GRM7: variants seen among roughly 807,000 people sequenced by gnomAD.
The protein encoded by GRM7 is glutamate metabotropic receptor 7.
Under a neutral mutation model 84.5 loss-of-function variants are expected in GRM7, and 35 were observed. The ratio of observed to expected loss-of-function variants is 0.41; its 90% CI spans 0.32 to 0.55. GRM7 has a LOEUF of 0.55. GRM7 is among the 20% of genes least tolerant of loss of function. GRM7 has a pLI of 0.19. For synonymous variants in GRM7, 487 were observed against 455.1 expected, an observed-to-expected ratio of 1.07 and a Z score of -0.89; for missense variants, 1,003 against 1,194.6, an observed-to-expected ratio of 0.84 and a Z score of 2.36.
chr3:6,966,508 CA>C lies in GRM7; in HGVS notation c.519+104605del, dbSNP rs373522897. On this transcript the variant is annotated intron_variant, in intron 1 of 9. Coordinates refer to ENST00000357716, the MANE Select transcript of GRM7 (RefSeq NM_000844.4). ...CTTAGAGAGCAGAAACAGTGTTTAC[CA>C]AAAGGTGAACTTCCCTAAGATTGCC... 6.6e-5 allele frequency among the ~76,000 whole-genome samples: 10 copies of C among 152,188 alleles called. No homozygotes were observed. The East Asian group carries it at 1.7e-3, about 27-fold the overall frequency.
chr3:7,346,940 A>T (rs1393238986), intron 4 of GRM7, among the ~76,000 whole-genome samples: 1 of 152,146 alleles, frequency 6.6e-6, no homozygotes, highest in African/African-American at 2.4e-5. Flanking sequence ...CTTCAGATCA[A>T]GTGAGATCGT....
intron 1 of GRM7, among the ~76,000 whole-genome samples, chr3:7,035,435 A>G (rs769611991): frequency 5.9e-5 from 9 of 152,182 alleles, no homozygotes; most frequent in Admixed American, 2.0e-4. Context: ...CTATTTCAAT[A>G]CAGAAGGAGC....
chr3:7,637,886 G>T (rs550053375), intron 8 of GRM7, among the ~76,000 whole-genome samples: 1 of 152,226 alleles, frequency 6.6e-6, no homozygotes, highest in South Asian at 2.1e-4. Flanking sequence ...ACAGGCGGCA[G>T]TCACAGAATC....
In GRM7 at chr3:7,738,294, A is replaced by G. The variant is rs572627838; in HGVS notation, c.2699-2063A>G. The stretch of plus-strand genomic sequence containing the variant: ...CTTCCTATTATAGCATGGAGACAGA[A>G]ATAAAGATTCAACCATCAGGCAGCC... On this transcript the variant is annotated intron_variant, in intron 9 of 9. Transcript: ENST00000357716. 5.6e-4 allele frequency among the ~76,000 whole-genome samples: 85 copies of G among 152,244 alleles called. 1 individual carries two copies. The highest frequency in any genetic ancestry group is 2.2e-3 in the Admixed American group (34 of 15,276).
intron 8 of GRM7, among the ~76,000 whole-genome samples, chr3:7,677,056 T>C (rs1395315559): frequency 6.6e-6 from 1 of 151,718 alleles, no homozygotes; most frequent in East Asian, 2.0e-4. Flanking sequence ...GGTCAGGAGA[T>C]CAAGACCATC....
chr3:7,296,121 G>A (rs1699806430), intron 2 of GRM7, among the ~76,000 whole-genome samples: 1 of 151,646 alleles, frequency 6.6e-6, no homozygotes, highest in South Asian at 2.1e-4. Flanking sequence ...ATTTTGTTAA[G>A]TACTTTCTCT....
intron 2 of GRM7, among the ~76,000 whole-genome samples, chr3:7,217,906 G>A (rs1338915531): frequency 2.0e-5 from 3 of 151,652 alleles, no homozygotes; most frequent in African/African-American, 7.2e-5. Flanking sequence ...TTTATTATTT[G>A]TAACACCGTG....
At chr3:7,615,179 G>A (rs981668020) in intron 8 of GRM7, among the ~76,000 whole-genome samples, 2 of 152,002 alleles carry the variant, frequency 1.3e-5, no homozygotes, top group Admixed American at 6.6e-5. Context: ...CATGATATGT[G>A]TGTATATGTG....
At chr3:7,717,314 G>C (rs939145431) in intron 9 of GRM7, among the ~76,000 whole-genome samples, 1 of 151,960 alleles carries the variant, frequency 6.6e-6, no homozygotes, top group Non-Finnish European at 1.5e-5. Flanking sequence ...CCAGTAGACA[G>C]AACCACAGCA....
At chr3:7,659,586 C>A (rs1274148362) in intron 8 of GRM7, among the ~76,000 whole-genome samples, 1 of 152,124 alleles carries the variant, frequency 6.6e-6, no homozygotes, top group East Asian at 1.9e-4. Context: ...CCATTGGAAG[C>A]CCCATCTGTT....
intron 9 of GRM7, among the ~76,000 whole-genome samples, chr3:7,709,609 G>A (rs1701511503): frequency 6.6e-6 from 1 of 152,126 alleles, no homozygotes; most frequent in Non-Finnish European, 1.5e-5. Flanking sequence ...CCCATCATTC[G>A]TTGTATATTT....
At chr3:7,131,954 T>C (rs1347852153) in intron 1 of GRM7, among the ~76,000 whole-genome samples, 1 of 152,154 alleles carries the variant, frequency 6.6e-6, no homozygotes, top group East Asian at 1.9e-4. Flanking sequence ...GGAAAGTGTC[T>C]CTCATTTCTT....
At chr3:7,038,317 G>C (rs1054463561) in intron 1 of GRM7, among the ~76,000 whole-genome samples, 6 of 152,100 alleles carry the variant, frequency 3.9e-5, no homozygotes, top group South Asian at 2.1e-4. Flanking sequence ...CTTATTGACC[G>C]GGCTTCTTAA....
At chr3:7,606,214 A>G (rs1011336755) in intron 8 of GRM7, among the ~76,000 whole-genome samples, 1 of 152,198 alleles carries the variant, frequency 6.6e-6, no homozygotes, top group African/African-American at 2.4e-5. Context: ...CATAAAACTC[A>G]TAGTAGTAAC....
At chr3:7,205,859 C>T (rs1309331492) in intron 2 of GRM7, among the ~76,000 whole-genome samples, 1 of 152,200 alleles carries the variant, frequency 6.6e-6, no homozygotes, top group Non-Finnish European at 1.5e-5. Flanking sequence ...TTTGAACCAT[C>T]TAAGTGTTAA....
At chr3:7,022,869 T>A (rs1191755086) in intron 1 of GRM7, among the ~76,000 whole-genome samples, 3 of 152,118 alleles carry the variant, frequency 2.0e-5, no homozygotes, top group Non-Finnish European at 4.4e-5. Context: ...AGAAAAAGCA[T>A]ACAAAATTTA....
chr3:7,516,495 A>C (rs1342636824), intron 7 of GRM7, among the ~76,000 whole-genome samples: 3 of 149,440 alleles, frequency 2.0e-5, no homozygotes, highest in African/African-American at 7.3e-5. Flanking sequence ...AAAAAAAAAA[A>C]AAAAAAAAAA....
intron 2 of GRM7, among the ~76,000 whole-genome samples, chr3:7,213,761 G>A (rs1254062857): frequency 6.6e-6 from 1 of 152,132 alleles, no homozygotes; most frequent in African/African-American, 2.4e-5. Flanking sequence ...CACTAGAAAT[G>A]GACTGCCCCT....
intron 7 of GRM7, among the ~76,000 whole-genome samples, chr3:7,525,297 T>G (rs1700751559): frequency 6.6e-6 from 1 of 152,030 alleles, no homozygotes; most frequent in Non-Finnish European, 1.5e-5. Flanking sequence ...GTGGTACACG[T>G]GTCGGAATTC....
Sources: gnomAD v4.1 joint callset for allele counts (sites outside exome capture counted in the v4.1 genomes callset) on GRCh38, gnomAD v4.1.1 for gene constraint, MANE v1.5 for transcripts, NCBI Gene and HGNC (gene_info 2026-07-23, HGNC 2026-07-21) for gene names.